DRC8: variants seen among roughly 807,000 people sequenced by gnomAD.
DRC8 encodes dynein regulatory complex protein 8.
chr1:245,097,269 C>T, the DRC8 span, among the ~76,000 whole-genome samples: 1 of 152,102 alleles, frequency 6.6e-6, no homozygotes, highest in Non-Finnish European at 1.5e-5. This position sits in a 1 kb window ranked among gnomAD's most constrained non-coding sequence, Gnocchi z 5.0. Flanking sequence ...GCCTGTAATC[C>T]TAGCACTTTG....
the DRC8 span, among the ~76,000 whole-genome samples, chr1:245,054,995 T>G: frequency 1.3e-5 from 2 of 152,146 alleles, no homozygotes; most frequent in African/African-American, 4.8e-5. Context: ...CCCAGCTGGA[T>G]GCCTGCACAG....
At chr1:245,043,910 T>A in the DRC8 span, 7 of 152,076 alleles carry the variant, frequency 4.6e-5, no homozygotes, top group African/African-American at 1.4e-4. Context: ...GACAATTCAG[T>A]TATATTAAAA....
chr1:244,989,981 G>A, the DRC8 span, among the ~76,000 whole-genome samples: 131 of 152,270 alleles, frequency 8.6e-4, no homozygotes, highest in African/African-American at 3.0e-3. Flanking sequence ...GTGAATCATC[G>A]CTTTGTCCAG....
the DRC8 span, among the ~76,000 whole-genome samples, chr1:245,071,506 G>A: frequency 6.6e-6 from 1 of 152,220 alleles, no homozygotes; most frequent in Non-Finnish European, 1.5e-5. Context: ...CCGTGTCCAT[G>A]CTTTATGGAA....
chr1:245,094,137 GGT>G, the DRC8 span, among the ~76,000 whole-genome samples: 1 of 152,062 alleles, frequency 6.6e-6, no homozygotes. Context: ...TGAGAATAGA[GGT>G]AAGTCTATTT....
the DRC8 span, among the ~76,000 whole-genome samples, chr1:245,094,227 C>T: frequency 1.3e-5 from 2 of 152,160 alleles, no homozygotes; most frequent in Non-Finnish European, 2.9e-5. Context: ...TGTTCTTACA[C>T]AACATGATGA....
the DRC8 span, among the ~76,000 whole-genome samples, chr1:245,094,912 A>G: frequency 6.6e-6 from 1 of 152,186 alleles, no homozygotes; most frequent in Non-Finnish European, 1.5e-5. Context: ...GTGTCTCTCT[A>G]TAGAACTTCT....
chr1:245,072,379 A>T, the DRC8 span, among the ~76,000 whole-genome samples: 1 of 152,176 alleles, frequency 6.6e-6, no homozygotes, highest in African/African-American at 2.4e-5. Context: ...AGCTGGGGTT[A>T]CAGGCACATG....
chr1:245,121,895 CTTATTTTATT>C, the DRC8 span: 14 of 416,890 alleles, frequency 3.4e-5, no homozygotes, highest in South Asian at 1.9e-4. Flanking sequence ...TTTCTTTTTT[CTTATTTTATT>C]TTATTTTATT....
At chr1:245,045,810 G>A in the DRC8 span, among the ~76,000 whole-genome samples, 1 of 152,010 alleles carries the variant, frequency 6.6e-6, no homozygotes, top group Non-Finnish European at 1.5e-5. Context: ...TTCAGAGGCC[G>A]GAGTGAACAA....
chr1:245,088,059 T>C, the DRC8 span, among the ~76,000 whole-genome samples: 2 of 152,176 alleles, frequency 1.3e-5, no homozygotes, highest in Non-Finnish European at 2.9e-5. The surrounding 1 kb of genome is among the most constrained non-coding windows in gnomAD (Gnocchi z 4.6). Flanking sequence ...ATATCTGTCA[T>C]GGGAGCATTG....
chr1:245,032,317 C>T, the DRC8 span, among the ~76,000 whole-genome samples: 1 of 152,114 alleles, frequency 6.6e-6, no homozygotes, highest in African/African-American at 2.4e-5. Flanking sequence ...GAAACCAGTC[C>T]AGGAGCCAGG....
At chr1:244,970,605 G>A in the DRC8 span, 382 of 835,708 alleles carry the variant, frequency 4.6e-4, 3 homozygotes, top group African/African-American at 6.7e-3. Flanking sequence ...CAGTCGCCCT[G>A]CCCCCGTCCC....
chr1:245,054,552 C>T, the DRC8 span, among the ~76,000 whole-genome samples: 3 of 152,118 alleles, frequency 2.0e-5, no homozygotes, highest in Non-Finnish European at 2.9e-5. Context: ...TTCTCCTTAG[C>T]CTCCACGCCC....
chr1:245,067,903 A>T, the DRC8 span, among the ~76,000 whole-genome samples: 7 of 152,100 alleles, frequency 4.6e-5, no homozygotes, highest in Non-Finnish European at 7.4e-5. Flanking sequence ...CCTTTGGGAG[A>T]TGGGGGAGAA....
the DRC8 span, among the ~76,000 whole-genome samples, chr1:245,080,324 C>T: frequency 9.2e-5 from 14 of 152,272 alleles, no homozygotes; most frequent in Middle Eastern, 3.4e-3. Context: ...GTCGAACCCA[C>T]GGGCAGGGAT....
chr1:244,991,147 A>G, the DRC8 span, among the ~76,000 whole-genome samples: 1 of 152,116 alleles, frequency 6.6e-6, no homozygotes, highest in Non-Finnish European at 1.5e-5. Flanking sequence ...TAGTTCCATA[A>G]TTTGCTATAA....
chr1:245,031,186 TTTA>T, the DRC8 span, among the ~76,000 whole-genome samples: 2 of 152,086 alleles, frequency 1.3e-5, no homozygotes, highest in African/African-American at 4.8e-5. Flanking sequence ...AACTCACCGG[TTTA>T]TTACCATCCC....
At chr1:244,980,040 TAAAAAAAAAAAAA>T in the DRC8 span, among the ~76,000 whole-genome samples, 3 of 34,736 alleles carry the variant, frequency 8.6e-5, no homozygotes, top group African/African-American at 1.4e-4. Context: ...CCGTCTCTAC[TAAAAAAAAAAAAA>T]AAAAAAAAAA....
Sources: gnomAD v4.1 joint callset for allele counts (sites outside exome capture counted in the v4.1 genomes callset) on GRCh38, gnomAD v4.1.1 for gene constraint, Gnocchi (gnomAD v3.1) non-coding constraint, MANE v1.5 for transcripts, NCBI Gene and HGNC (gene_info 2026-07-23, HGNC 2026-07-21) for gene names.